RBFOX1: variants seen among roughly 807,000 people sequenced by gnomAD.
RBFOX1 encodes RNA binding fox-1 homolog 1.
In RBFOX1, 8 loss-of-function variants were observed where a neutral mutation model predicts 57.7. The ratio of observed to expected loss-of-function variants is 0.14; its 90% CI spans 0.08 to 0.25. The LOEUF (loss-of-function observed/expected upper bound fraction) is 0.25, where lower values mean the gene tolerates loss of function less well. Ranked by LOEUF, RBFOX1 falls within the 10% of genes least tolerant of loss-of-function variation. The pLI, the probability that RBFOX1 is intolerant of heterozygous loss-of-function variation, is 1.00. For synonymous variants in RBFOX1, 326 were observed against 222.4 expected (o/e 1.47, Z -4.15); for missense variants, 611 against 548.5 (o/e 1.11, Z -1.14).
intron 4 of RBFOX1, among the ~76,000 whole-genome samples, chr16:7,131,774 AT>A (rs1308669966): frequency 6.6e-6 from 1 of 151,956 alleles, no homozygotes; most frequent in Non-Finnish European, 1.5e-5. Flanking sequence ...AAGGAGCTTG[AT>A]TTGGGGCCTG....
chr16:5,992,537 T>TA (rs1392569071), intron 4 of RBFOX1, among the ~76,000 whole-genome samples: 1 of 152,184 alleles, frequency 6.6e-6, no homozygotes, highest in Non-Finnish European at 1.5e-5. Flanking sequence ...CGTGTGCATG[T>TA]ATGTGTGTGT....
Position 7,321,070 on chromosome 16 carries a change from T to C in RBFOX1, c.28-197077T>C, listed in dbSNP as rs1409099978. On this transcript the variant is annotated intron_variant, in intron 4 of 15. Coordinates refer to ENST00000550418, the MANE Select transcript of RBFOX1 (RefSeq NM_018723.4). ...GAGAAATTATCTATCTATCTGTCTA[T>C]CTATACGTATACATATACATATACA... 6.9e-3 allele frequency among the ~76,000 whole-genome samples: 546 copies of C among 79,074 alleles called. 4 individuals are homozygous for C. Among genetic ancestry groups the C allele is most frequent in the Non-Finnish European group, 6.2e-3 (187 of 30,006 alleles). 51.9% of individuals were successfully genotyped at this position (79,074 alleles called of 152,430 possible).
At chr16:5,737,070 A>C (rs1196881254) in intron 3 of RBFOX1, among the ~76,000 whole-genome samples, 1 of 151,948 alleles carries the variant, frequency 6.6e-6, no homozygotes, top group Admixed American at 6.6e-5. Flanking sequence ...GGGTACTGAG[A>C]GTGATGGTGA....
At chr16:5,561,000 C>T (rs979082736) in intron 2 of RBFOX1, among the ~76,000 whole-genome samples, 7 of 152,198 alleles carry the variant, frequency 4.6e-5, no homozygotes, top group African/African-American at 1.4e-4. Flanking sequence ...AATGCCAGGA[C>T]TAAACCTCAT....
At chr16:6,987,675 A>T (rs188802845) in intron 3 of RBFOX1, among the ~76,000 whole-genome samples, 2 of 152,182 alleles carry the variant, frequency 1.3e-5, no homozygotes, top group African/African-American at 4.8e-5. Flanking sequence ...GCAGTTCACA[A>T]TCTAGAAGTG....
chr16:6,280,896 G>A (rs1198486311), intron 1 of RBFOX1, among the ~76,000 whole-genome samples: 1 of 151,832 alleles, frequency 6.6e-6, no homozygotes, highest in East Asian at 2.0e-4. Context: ...ATGTCTAGGA[G>A]CGTGCTCAGT....
At chr16:6,343,509 G>C (rs1343200116) in intron 2 of RBFOX1, among the ~76,000 whole-genome samples, 3 of 152,186 alleles carry the variant, frequency 2.0e-5, no homozygotes, top group Non-Finnish European at 2.9e-5. Context: ...CCCTCCTGAG[G>C]TGGAACATAT....
intron 3 of RBFOX1, among the ~76,000 whole-genome samples, chr16:6,888,286 G>C (rs557726148): frequency 1.3e-5 from 2 of 152,164 alleles, no homozygotes; most frequent in African/African-American, 4.8e-5. Context: ...GTTTCTGACA[G>C]CTTAAGTCCT....
intron 3 of RBFOX1, among the ~76,000 whole-genome samples, chr16:6,932,098 T>C (rs2076656507): frequency 6.6e-6 from 1 of 152,046 alleles, no homozygotes; most frequent in South Asian, 2.1e-4. Flanking sequence ...GTTGTTGTTG[T>C]TTTTTGTTGC....
rs188176240 is a variant in RBFOX1, at chr16:5,502,892, A to T, written c.258+35638A>T. Among the ~76,000 whole-genome samples, 259 of 152,330 alleles carry T rather than the reference A, an allele frequency of 1.7e-3. 2 individuals carry two copies. Among genetic ancestry groups the T allele is most frequent in the African/African-American group, 6.1e-3 (255 of 41,568 alleles). On this transcript the variant is annotated intron_variant, in intron 2 of 2. Transcript: ENST00000585867. ...AGGAGCAATTCTGATTGAGATCTTG[A>T]ACAATACAGTCCCTAGAAAGATGGA...
rs527688447 is a variant in RBFOX1 at position 6,280,378 on chromosome 16, C to T, written c.-126-36617C>T. On this transcript the variant is annotated intron_variant, in intron 1 of 15. Transcript: ENST00000550418. ...TTTTTTGTTCTTTCATATCTATCAGCTCACCCACCCCTAGTCTGTAGCATT... is the reference window on the plus strand; with the variant it reads ...TTTTTTGTTCTTTCATATCTATCAGTTCACCCACCCCTAGTCTGTAGCATT... Among the ~76,000 whole-genome samples, 18 of 152,182 alleles carry T rather than the reference C, an allele frequency of 1.2e-4. No homozygotes were observed. The South Asian group carries it at 3.7e-3, about 32-fold the overall frequency.
rs185068145 is a variant in RBFOX1, at chr16:6,908,160, C to T, written c.-15-143897C>T. ...AAACAATTCAGCTCCTAACAATCTA[C>T]TTCTCTGCATCCCTACATCCGTGCA... On this transcript the variant is annotated intron_variant, in intron 3 of 15. Coordinates refer to ENST00000550418, the MANE Select transcript of RBFOX1 (RefSeq NM_018723.4). 6.6e-5 allele frequency among the ~76,000 whole-genome samples: 10 copies of T among 151,864 alleles called. 1 individual carries two copies. The highest frequency in any genetic ancestry group is 2.6e-4 in the Admixed American group (4 of 15,278).
At chr16:5,629,357 C>G (rs1264609965) in intron 3 of RBFOX1, among the ~76,000 whole-genome samples, 1 of 152,186 alleles carries the variant, frequency 6.6e-6, no homozygotes, top group Non-Finnish European at 1.5e-5. Context: ...GCAGACCCAG[C>G]TATAAACCCA....
chr16:5,582,549 T>C lies in RBFOX1; in HGVS notation c.259-16353T>C, dbSNP rs1484088174. Among the ~76,000 whole-genome samples the C allele has an allele frequency of 2.4e-4, 4 of 16,374 alleles. No homozygotes were observed. In the Admixed American group the frequency reaches 2.5e-3, roughly 10 times the overall value. 10.7% of individuals were successfully genotyped at this position (16,374 alleles called of 152,430 possible). A position where few individuals can be genotyped will look rare whatever the true frequency, so the allele number is the denominator to read the frequency against. On this transcript the variant is annotated intron_variant, in intron 2 of 2. Coordinates refer to the RBFOX1 transcript ENST00000585867. ...CCAGGCATTTTCAAAGCACGTCACT[T>C]TTTTTTTTTTTTTTTTTTTTTTTAA...
At chr16:6,806,922 C>G (rs1287899444) in intron 3 of RBFOX1, among the ~76,000 whole-genome samples, 1 of 149,094 alleles carries the variant, frequency 6.7e-6, no homozygotes, top group Non-Finnish European at 1.5e-5. Context: ...CAAACTCCAC[C>G]TCCTGGGTTC....
At chr16:6,406,048 A>C (rs762995791) in intron 2 of RBFOX1, among the ~76,000 whole-genome samples, 28 of 152,174 alleles carry the variant, frequency 1.8e-4, no homozygotes, top group East Asian at 3.9e-4. Flanking sequence ...ATTAACAGCC[A>C]ATGTCTCACA....
At chr16:5,897,015 G>A (rs1459819593) in intron 4 of RBFOX1, among the ~76,000 whole-genome samples, 2 of 80,932 alleles carry the variant, frequency 2.5e-5, no homozygotes, top group Non-Finnish European at 4.6e-5. Context: ...GTATCCATCC[G>A]CTTTTTTTTT....
At chr16:6,753,899 T>A (rs934768397) in intron 3 of RBFOX1, among the ~76,000 whole-genome samples, 2 of 152,102 alleles carry the variant, frequency 1.3e-5, no homozygotes, top group African/African-American at 2.4e-5. Flanking sequence ...ATAAAATCAT[T>A]CCCACCAAGC....
chr16:6,632,152 T>G (rs1414187739), intron 2 of RBFOX1, among the ~76,000 whole-genome samples: 2 of 152,150 alleles, frequency 1.3e-5, no homozygotes, highest in Non-Finnish European at 2.9e-5. Context: ...TGCATCTCTG[T>G]GATCCTTCAC....
Sources: gnomAD v4.1 joint callset for allele counts (sites outside exome capture counted in the v4.1 genomes callset) on GRCh38, gnomAD v4.1.1 for gene constraint, MANE v1.5 for transcripts, NCBI Gene and HGNC (gene_info 2026-07-23, HGNC 2026-07-21) for gene names.